The following MAOB variants were observed in gnomAD, a reference collection of about 807,000 sequenced individuals.
The protein encoded by MAOB is amine oxidase [flavin-containing] B.
A neutral mutation model predicts 41.9 loss-of-function variants in MAOB; 15 were observed. The observed-to-expected ratio is 0.36, with a 90% CI of 0.24 to 0.55. The LOEUF (loss-of-function observed/expected upper bound fraction) is 0.55, where lower values mean the gene tolerates loss of function less well. Among genes scored for constraint, MAOB ranks in the 20% least tolerant of loss-of-function variants. The probability of loss-of-function intolerance (pLI) is 0.86; values close to 1 mark genes in which losing one functional copy is unlikely to be tolerated. For missense variants in MAOB, 345 were observed against 398.7 expected, an observed-to-expected ratio of 0.87 and a Z score of 1.15; for synonymous variants, 167 against 144.2, an observed-to-expected ratio of 1.16 and a Z score of -1.13.
At chrX:43,782,020 C>T (rs1161455066) in intron 8 of MAOB, among the ~76,000 whole-genome samples, 1 of 111,548 alleles carries the variant, frequency 9.0e-6, no homozygotes, top group Admixed American at 9.5e-5. Flanking sequence ...GCACTAAATG[C>T]CCATAAGAGA....
chrX:43,828,927 A>G (rs752733947), intron 3 of MAOB, among the ~76,000 whole-genome samples: 1 of 112,206 alleles, frequency 8.9e-6, no homozygotes, highest in South Asian at 3.7e-4. Context: ...TGTATCTATC[A>G]AAATCTCAAA....
chrX:43,866,965 A>G (rs776064614), intron 1 of MAOB, among the ~76,000 whole-genome samples: 1 of 112,583 alleles, frequency 8.9e-6, no homozygotes, highest in African/African-American at 3.2e-5. Context: ...TATCCATCAA[A>G]TCATGTTAGT....
At chrX:43,860,736 A>G (rs2035326262) in intron 1 of MAOB, among the ~76,000 whole-genome samples, 1 of 111,317 alleles carries the variant, frequency 9.0e-6, no homozygotes, top group African/African-American at 3.3e-5. Context: ...CCACCCTGTA[A>G]CTTACCTTAC....
chrX:43,845,597 C>T (rs5952799), intron 1 of MAOB, among the ~76,000 whole-genome samples: 14,162 of 111,540 alleles, frequency 0.13, 765 homozygotes, highest in South Asian at 0.22. Flanking sequence ...TATTCACAGC[C>T]ATTATACAAC....
At chrX:43,871,273 A>G (rs1328537851) in intron 1 of MAOB, among the ~76,000 whole-genome samples, 2 of 111,791 alleles carry the variant, frequency 1.8e-5, no homozygotes, top group Non-Finnish European at 3.8e-5. Flanking sequence ...TCCTGAAGGT[A>G]GTGGGACAGC....
chrX:43,828,538 A>C (rs2034976071), intron 3 of MAOB, among the ~76,000 whole-genome samples: 1 of 110,173 alleles, frequency 9.1e-6, no homozygotes, highest in Non-Finnish European at 1.9e-5. Context: ...ATGAGGCATA[A>C]GACAAAAAAA....
At chrX:43,834,950 A>C (rs1204498305) in intron 3 of MAOB, among the ~76,000 whole-genome samples, 1 of 111,982 alleles carries the variant, frequency 8.9e-6, no homozygotes, top group African/African-American at 3.2e-5. Flanking sequence ...TAGTGGCAAA[A>C]CTCTTAACAG....
At chrX:43,786,850 C>G (rs773823874) in intron 8 of MAOB, among the ~76,000 whole-genome samples, 1 of 110,833 alleles carries the variant, frequency 9.0e-6, no homozygotes, top group Admixed American at 9.7e-5. Flanking sequence ...GGTGAAGGAA[C>G]AAGGAGCAGA....
chrX:43,849,969 G>C (rs2147170208), intron 1 of MAOB, among the ~76,000 whole-genome samples: 1 of 112,556 alleles, frequency 8.9e-6, no homozygotes, highest in South Asian at 3.7e-4. Context: ...AAGAAAGACA[G>C]TCAGCCAACA....
At chrX:43,840,878 G>A (rs193226860) in intron 2 of MAOB, among the ~76,000 whole-genome samples, 211 of 107,312 alleles carry the variant, frequency 2.0e-3, no homozygotes, top group African/African-American at 6.8e-3. Context: ...GGCAGACACC[G>A]AGCTAGCTGC....
At chrX:43,833,341 G>A (rs186280187) in intron 3 of MAOB, among the ~76,000 whole-genome samples, 105 of 111,009 alleles carry the variant, frequency 9.5e-4, no homozygotes, top group African/African-American at 3.3e-3. Context: ...CATGTGATAC[G>A]CAGCCTGGGA....
intron 1 of MAOB, among the ~76,000 whole-genome samples, chrX:43,846,944 A>T (rs1469011875): frequency 8.9e-6 from 1 of 112,813 alleles, no homozygotes; most frequent in Admixed American, 9.4e-5. Flanking sequence ...ATCATACAGT[A>T]GCAGAAATAC....
At chrX:43,779,799 C>T (rs1346599381) in intron 10 of MAOB, among the ~76,000 whole-genome samples, 1 of 111,757 alleles carries the variant, frequency 8.9e-6, no homozygotes, top group Non-Finnish European at 1.9e-5. Context: ...GAGCTCTTTC[C>T]TGGTAAATAG....
At chrX:43,795,546 C>A (rs564800939) in intron 7 of MAOB, among the ~76,000 whole-genome samples, 193 bp downstream of exon 7, 2 of 111,355 alleles carry the variant, frequency 1.8e-5, no homozygotes, top group African/African-American at 6.6e-5. Flanking sequence ...GGGGGTGGGG[C>A]TGAAAGTCCC....
intron 8 of MAOB, among the ~76,000 whole-genome samples, chrX:43,786,475 C>A (rs2034401450): frequency 8.9e-6 from 1 of 111,859 alleles, no homozygotes; most frequent in African/African-American, 3.2e-5. Flanking sequence ...ATGTCCCAAT[C>A]TGCCACTGGC....
At chrX:43,818,315 A>T (rs1569221262) in intron 3 of MAOB, among the ~76,000 whole-genome samples, 1 of 112,335 alleles carries the variant, frequency 8.9e-6, no homozygotes, top group Non-Finnish European at 1.9e-5. Flanking sequence ...ATTATGAATA[A>T]TGTTGCTTTT....
intron 14 of MAOB, among the ~76,000 whole-genome samples, chrX:43,768,412 C>T (rs2034138641): frequency 9.0e-6 from 1 of 110,909 alleles, no homozygotes; most frequent in South Asian, 3.9e-4. Flanking sequence ...ATGTCTCCCT[C>T]CTCATCAAAA....
At chrX:43,805,517 G>T (rs1043499156) in intron 3 of MAOB, among the ~76,000 whole-genome samples, 1 of 111,453 alleles carries the variant, frequency 9.0e-6, no homozygotes, top group African/African-American at 3.3e-5. Context: ...GATTGTTTTT[G>T]CCTGTTTTCA....
intron 1 of MAOB, among the ~76,000 whole-genome samples, chrX:43,872,325 T>C (rs754475227): frequency 8.9e-6 from 1 of 111,999 alleles, no homozygotes; most frequent in Non-Finnish European, 1.9e-5. Context: ...TACAACTTCA[T>C]TAAATTACGA....
Sources: allele counts gnomAD v4.1 joint callset (sites outside exome capture counted in the v4.1 genomes callset), GRCh38; gene constraint gnomAD v4.1.1; transcripts MANE v1.5; gene names NCBI Gene and HGNC (gene_info 2026-07-23, HGNC 2026-07-21).